TMED3: variants seen among roughly 807,000 people sequenced by gnomAD.
The protein encoded by TMED3 is transmembrane p24 trafficking protein 3, also known as transmembrane emp24 domain-containing protein 3.
In TMED3, 9 loss-of-function variants were observed where a neutral mutation model predicts 15.0. The ratio of observed to expected loss-of-function variants is 0.60; its 90% CI spans 0.36 to 1.04. The LOEUF is 1.04. TMED3 is among the 50% of genes least tolerant of loss of function. TMED3 has a pLI of 0.01. For missense variants in TMED3, 267 were observed against 278.9 expected, an observed-to-expected ratio of 0.96 and a Z score of 0.30; for synonymous variants, 117 against 121.4, an observed-to-expected ratio of 0.96 and a Z score of 0.24.
In TMED3 at chr15:79,360,274, G is replaced by A. The variant is rs553158746; in HGVS notation, c.417+46269G>A. 2.6e-5 allele frequency among the ~76,000 whole-genome samples: 4 copies of A among 152,266 alleles called. No homozygotes were observed. In the East Asian group the frequency reaches 7.7e-4, roughly 29 times the overall value. ...CTGGGTGTGGGGTGGGCTCCACACA[G>A]AATGTGGGATGGAATCTTGAGCCAT... On this transcript the variant is annotated intron_variant, in intron 2 of 2. Transcript: ENST00000424155.
At chr15:79,347,915 C>CA (rs562879095) in intron 2 of TMED3, among the ~76,000 whole-genome samples, 23 of 152,044 alleles carry the variant, frequency 1.5e-4, no homozygotes, top group East Asian at 1.2e-3. Context: ...CTCTTATACC[C>CA]AAAAAAGCAT....
intron 2 of TMED3, among the ~76,000 whole-genome samples, chr15:79,354,200 G>T (rs1218927050): frequency 1.3e-5 from 2 of 152,098 alleles, no homozygotes; most frequent in African/African-American, 4.8e-5. Context: ...CAGTATTCTT[G>T]TCACTAATTT....
Position 79,322,121 on chromosome 15 carries a change from G to T in TMED3, c.561G>T (p.Thr187=). 1 of 1,614,222 alleles carries T rather than the reference G, an allele frequency of 6.2e-7. No individual in the cohort carries two copies. The highest frequency in any genetic ancestry group is 8.5e-7 in the Non-Finnish European group (1 of 1,180,050). The change falls in exon 3 of 3, where the codon ACG becomes ACT. Residue 187 remains threonine (T), a synonymous_variant. Coordinates refer to ENST00000299705, the MANE Select transcript of TMED3 (RefSeq NM_007364.4). ...TCTCTTACTGGTCTGTTGGCGAGAC[G>T]ATTGCCCTGTTCGTGGTCAGCTTCA... ...SRVSYWSVGE[T]IALFVVSFSQ... is the part of the protein sequence containing the mutation.
chr15:79,316,734 C>T (rs1307253194), intron 2 of TMED3, among the ~76,000 whole-genome samples: 2 of 152,156 alleles, frequency 1.3e-5, no homozygotes, highest in African/African-American at 4.8e-5. Context: ...GGCTCCAGGA[C>T]ACTGGAAGCC....
At chr15:79,317,223 C>T (rs149979850) in intron 2 of TMED3, among the ~76,000 whole-genome samples, 107 of 152,272 alleles carry the variant, frequency 7.0e-4, no homozygotes, top group African/African-American at 2.2e-3. Flanking sequence ...GTCTCCGTGC[C>T]GGTTTCTGGC....
chr15:79,342,013 C>G (rs1279042658), intron 2 of TMED3, among the ~76,000 whole-genome samples: 1 of 151,964 alleles, frequency 6.6e-6, no homozygotes, highest in East Asian at 1.9e-4. Flanking sequence ...ATAAAAATGA[C>G]ACATAAAAAC....
intron 2 of TMED3, among the ~76,000 whole-genome samples, chr15:79,348,819 C>G (rs950550040): frequency 6.6e-6 from 1 of 152,086 alleles, no homozygotes; most frequent in Non-Finnish European, 1.5e-5. Flanking sequence ...CCTCACAATA[C>G]TTGTTGTGAC....
At chr15:79,391,016 A>G (rs937114306) in intron 2 of TMED3, among the ~76,000 whole-genome samples, 1 of 150,944 alleles carries the variant, frequency 6.6e-6, no homozygotes, top group African/African-American at 2.4e-5. Context: ...AATTCTATTC[A>G]TCTTTTCAAA....
intron 2 of TMED3, among the ~76,000 whole-genome samples, chr15:79,408,025 T>A (rs1296479819): frequency 6.6e-6 from 1 of 152,162 alleles, no homozygotes; most frequent in Non-Finnish European, 1.5e-5. Context: ...CTTTACAAAG[T>A]CGTTGGAAAG....
intron 2 of TMED3, among the ~76,000 whole-genome samples, chr15:79,389,088 G>A (rs1893664715): frequency 6.6e-6 from 1 of 152,096 alleles, no homozygotes; most frequent in Admixed American, 6.5e-5. Context: ...AAGCTATTTA[G>A]TTTAATTAAG....
chr15:79,311,356 A>G lies in TMED3; in HGVS notation c.107A>G (p.Asn36Ser), dbSNP rs778270778. Residue 36 changes from asparagine (N) to serine (S), a missense_variant, in exon 1 of 3, where the codon AAC (asparagine) becomes AGC (serine). Around this residue, in one of 3 missense-constraint regions of TMED3, gnomAD observed 59 missense variants for 47.0 expected, o/e 1.26. Coordinates refer to ENST00000299705, the MANE Select transcript of TMED3 (RefSeq NM_007364.4). ...GAGCTCACCTTCGAGCTGCCGGACAACGCCAAGCAGTGCTTCCACGAGGAG... is the reference window on the plus strand; with the variant it reads ...GAGCTCACCTTCGAGCTGCCGGACAGCGCCAAGCAGTGCTTCCACGAGGAG... ...GAELTFELPDNAKQCFHEEVE... is the reference protein window; with the variant it reads ...GAELTFELPDSAKQCFHEEVE... The G allele has an allele frequency of 2.5e-6, 4 of 1,612,088 alleles. No individual in the cohort carries two copies. Among genetic ancestry groups the G allele is most frequent in the East Asian group, 2.2e-5 (1 of 44,746 alleles).
intron 2 of TMED3, among the ~76,000 whole-genome samples, chr15:79,340,502 A>G (rs2058847747): frequency 6.6e-6 from 1 of 152,226 alleles, no homozygotes; most frequent in African/African-American, 2.4e-5. Flanking sequence ...ATCCATTGAG[A>G]TGGTGATAAG....
At chr15:79,362,258 G>A (rs1375926597) in intron 2 of TMED3, among the ~76,000 whole-genome samples, 1 of 151,098 alleles carries the variant, frequency 6.6e-6, no homozygotes, top group East Asian at 1.9e-4. Context: ...TTGAATCAAG[G>A]AGTTTGAGAA....
At chr15:79,367,151 A>T (rs1170019977) in intron 2 of TMED3, among the ~76,000 whole-genome samples, 1 of 152,208 alleles carries the variant, frequency 6.6e-6, no homozygotes, top group African/African-American at 2.4e-5. Flanking sequence ...ACCTAAAGGC[A>T]TCTTTAACCA....
At chr15:79,370,256 A>ATTTTTTTTTTTTTTTTT (rs398028085) in intron 2 of TMED3, among the ~76,000 whole-genome samples, 3 of 104,938 alleles carry the variant, frequency 2.9e-5, no homozygotes, top group East Asian at 2.8e-4. Flanking sequence ...TGCCCAGCTA[A>ATTTTTTTTTTTTTTTTT]TTTTTTTTTT....
chr15:79,389,194 G>A (rs533705571), intron 2 of TMED3, among the ~76,000 whole-genome samples: 3 of 152,228 alleles, frequency 2.0e-5, no homozygotes, highest in African/African-American at 7.2e-5. Context: ...CTTTTCCAAT[G>A]TTGTCTTCTA....
intron 2 of TMED3, among the ~76,000 whole-genome samples, chr15:79,354,469 G>A (rs2058910678): frequency 1.3e-5 from 2 of 152,032 alleles, no homozygotes; most frequent in African/African-American, 4.8e-5. Context: ...TCAGCCATTG[G>A]GCTTGTGTGG....
intron 2 of TMED3, among the ~76,000 whole-genome samples, chr15:79,336,877 A>G (rs1341787840): frequency 1.3e-5 from 2 of 152,234 alleles, no homozygotes; most frequent in Non-Finnish European, 1.5e-5. Context: ...AACACTCAGG[A>G]CACTTACCAT....
intron 2 of TMED3, among the ~76,000 whole-genome samples, chr15:79,358,822 G>A (rs1160203205): frequency 2.6e-5 from 4 of 152,230 alleles, no homozygotes; most frequent in Non-Finnish European, 5.9e-5. Flanking sequence ...CTCCTTGAAG[G>A]AAAAGTTTGC....
Sources: gnomAD v4.1 joint callset for allele counts (sites outside exome capture counted in the v4.1 genomes callset) on GRCh38, gnomAD v4.1.1 for gene constraint, gnomAD v4.1.1 regional missense constraint, MANE v1.5 for transcripts, NCBI Gene and HGNC (gene_info 2026-07-23, HGNC 2026-07-21) for gene names.